The following USP15 variants were observed in gnomAD, a reference collection of about 807,000 sequenced individuals.
USP15 encodes the protein ubiquitin specific peptidase 15.
USP15 carries 18 observed loss-of-function variants against 127.1 expected under a neutral mutation model. The observed-to-expected ratio is 0.14, with a 90% CI of 0.10 to 0.21. USP15 has a LOEUF of 0.21. Ranked by LOEUF, USP15 falls within the 10% of genes least tolerant of loss-of-function variation. The pLI is 1.00. For missense variants in USP15, 805 were observed against 1,159.9 expected (o/e 0.69, Z 4.44); for synonymous variants, 364 against 393.7 (o/e 0.92, Z 0.89).
chr12:62,392,921 G>A, intron 18 of USP15, 132 bp from the exon 19 acceptor site: 1 of 911,668 alleles, frequency 1.1e-6, no homozygotes, highest in Non-Finnish European at 1.6e-6. Flanking sequence ...CTTTCAACCT[G>A]GTACATATTA....
Position 62,389,509 on chromosome 12 carries a change from G to C in USP15, c.1552G>C (p.Asp518His). The C allele has an allele frequency of 1.2e-6, 2 of 1,613,654 alleles. No homozygotes were observed. The highest frequency in any genetic ancestry group is 1.7e-6 in the Non-Finnish European group (2 of 1,179,858). ...ALSALSGIPA[D>H]KMIVTDIYNH... ...GTCTGCTTTGTCAGGAATACCTGCA[G>C]ATAAGGTAAGATGTTTCTGGGGTTG... The change falls in exon 12 of 22, where the codon GAT becomes CAT. Residue 518 changes from aspartate to histidine, a missense_variant. This residue lies in a region of USP15 where 82 missense variants were observed against 104.4 expected (regional missense o/e 0.79). Coordinates refer to ENST00000280377, the MANE Select transcript of USP15 (RefSeq NM_001252078.2).
chr12:62,307,690 A>G (rs1241020941), intron 3 of USP15, among the ~76,000 whole-genome samples: 2 of 152,162 alleles, frequency 1.3e-5, no homozygotes, highest in Admixed American at 6.6e-5. Context: ...TCTGAGTAAC[A>G]TGATGCCATC....
In USP15 at chr12:62,294,280, C is replaced by G. The variant is rs2064064268; in HGVS notation, c.191C>G (p.Pro64Arg). Reference protein sequence around the residue: ...QMGDQNVYPGPIDNSGLLKDG... With the variant: ...QMGDQNVYPGRIDNSGLLKDG... ...GGAGATCAAAATGTGTATCCTGGAC[C>G]CATTGATAACTCTGGACTTCTCAAA... The change falls in exon 2 of 22, where the codon CCC becomes CGC. Residue 64 changes from proline (P) to arginine (R), a missense_variant. Pro to Arg is a moderately radical substitution (Grantham distance 103). Coordinates refer to ENST00000280377, the MANE Select transcript of USP15 (RefSeq NM_001252078.2). 1.2e-6 allele frequency: 2 copies of G among 1,611,710 alleles called. No individual in the cohort carries two copies. Among genetic ancestry groups the G allele is most frequent in the Non-Finnish European group, 8.5e-7 (1 of 1,179,290 alleles).
intron 4 of USP15, among the ~76,000 whole-genome samples, chr12:62,315,517 G>A (rs994397249): frequency 2.6e-5 from 4 of 151,978 alleles, no homozygotes; most frequent in Admixed American, 2.0e-4. Flanking sequence ...AAATGATTAT[G>A]AATTTAATAA....
chr12:62,334,394 AAGC>A (rs1327350473), intron 6 of USP15, among the ~76,000 whole-genome samples: 1 of 152,186 alleles, frequency 6.6e-6, no homozygotes, highest in East Asian at 1.9e-4. Context: ...ATGTAAAAGT[AAGC>A]AGTCAAAATA....
chr12:62,387,153 T>TA (rs1306554374), intron 11 of USP15, among the ~76,000 whole-genome samples: 1 of 152,164 alleles, frequency 6.6e-6, no homozygotes, highest in African/African-American at 2.4e-5. Flanking sequence ...TAGGTAGAGA[T>TA]ATCCAGTAGG....
At chr12:62,299,774 A>G (rs1363081994) in intron 2 of USP15, among the ~76,000 whole-genome samples, 1 of 152,210 alleles carries the variant, frequency 6.6e-6, no homozygotes, top group African/African-American at 2.4e-5. Flanking sequence ...ATCCTTTTAC[A>G]TCATTGCTGG....
intron 4 of USP15, 53 bp from the exon 5 acceptor site, chr12:62,321,408 TGTG>T (rs2064981721): frequency 9.0e-7 from 1 of 1,115,856 alleles, no homozygotes; most frequent in Non-Finnish European, 1.2e-6. Flanking sequence ...TTTAGCTGTA[TGTG>T]GTATATTTTG....
chr12:62,290,413 A>T (rs1188015610), intron 1 of USP15, among the ~76,000 whole-genome samples: 1 of 152,020 alleles, frequency 6.6e-6, no homozygotes, highest in Admixed American at 6.6e-5. Flanking sequence ...GCTTTATCTG[A>T]TCTAAGTATA....
intron 1 of USP15, among the ~76,000 whole-genome samples, chr12:62,280,760 A>G (rs1354673966): frequency 2.0e-5 from 3 of 152,166 alleles, no homozygotes; most frequent in Admixed American, 2.0e-4. Flanking sequence ...GAGGCAGAAA[A>G]TGGTGTGTCA....
chr12:62,334,191 C>T (rs748069499), intron 6 of USP15: 5 of 152,102 alleles, frequency 3.3e-5, no homozygotes, highest in Non-Finnish European at 7.4e-5. Flanking sequence ...GCTGCTGAAG[C>T]GAGCACTAGA....
In USP15 at chr12:62,415,468, T is replaced by G. The variant is rs1241333473; in HGVS notation, c.*11093T>G. On this transcript the variant is annotated 3_prime_UTR_variant, in exon 22 of 22. Transcript: ENST00000280377. ...GCACCCTGTGGCCCAGTCAACACAT[T>G]AAATAAACCATCACATCCCTTCATG... is the stretch of plus-strand genomic sequence containing the variant. 9 of 152,172 alleles carry G rather than the reference T, an allele frequency of 5.9e-5. No individual in the cohort carries two copies. Among genetic ancestry groups the G allele is most frequent in the Non-Finnish European group, 1.0e-4 (7 of 68,038 alleles). 9.4% of individuals were successfully genotyped at this position (152,172 alleles called of 1,614,324 possible).
At chr12:62,317,093 A>C (rs1173241753) in intron 4 of USP15, among the ~76,000 whole-genome samples, 1 of 152,184 alleles carries the variant, frequency 6.6e-6, no homozygotes, top group Non-Finnish European at 1.5e-5. Flanking sequence ...AGAATACAAA[A>C]TATCAACATA....
chr12:62,284,622 C>G (rs2063738876), intron 1 of USP15, among the ~76,000 whole-genome samples: 1 of 152,100 alleles, frequency 6.6e-6, no homozygotes, highest in Non-Finnish European at 1.5e-5. Context: ...TTCTAAAAAG[C>G]TTTGTTACCT....
chr12:62,354,213 A>G (rs964902277), intron 7 of USP15, among the ~76,000 whole-genome samples: 1 of 151,784 alleles, frequency 6.6e-6, no homozygotes, highest in Non-Finnish European at 1.5e-5. Context: ...TTTTATAATA[A>G]TAAAGTGAGA....
At chr12:62,321,057 G>T (rs2064972318) in intron 4 of USP15, among the ~76,000 whole-genome samples, 1 of 151,922 alleles carries the variant, frequency 6.6e-6, no homozygotes, top group Admixed American at 6.6e-5. Flanking sequence ...AATTGCTTAT[G>T]TGGTACTTAA....
In USP15 at chr12:62,405,856, G is replaced by A. The variant is rs959574700; in HGVS notation, c.*1481G>A. The A allele has an allele frequency of 5.9e-5, 9 of 152,120 alleles. No individual in the cohort carries two copies. The highest frequency in any genetic ancestry group is 2.2e-4 in the African/African-American group (9 of 41,374). The allele number at this position is 152,120 out of a possible 1,614,324, so 9.4% of individuals were successfully genotyped here. ...TATTTATTTATGTTAGCATTTAAAA[G>A]TTTAAAAAAAATGCATTTGACCAGG... On this transcript the variant is annotated 3_prime_UTR_variant, in exon 22 of 22. Coordinates refer to ENST00000280377, the MANE Select transcript of USP15 (RefSeq NM_001252078.2).
chr12:62,296,038 A>T (rs2064118486), intron 2 of USP15, among the ~76,000 whole-genome samples: 1 of 152,252 alleles, frequency 6.6e-6, no homozygotes. Flanking sequence ...TGCATGAAAG[A>T]GGGTCAATAT....
rs148574507 is a variant in USP15, at chr12:62,344,566, G to A, written c.684-4655G>A. ...ACCATTCTGGGGTCTGGAGGACAGC[G>A]GCCCTCTTCTCACAGCTCCAGTAGG... On this transcript the variant is annotated intron_variant, in intron 6 of 21. Coordinates refer to ENST00000280377, the MANE Select transcript of USP15 (RefSeq NM_001252078.2). 1.5e-3 allele frequency among the ~76,000 whole-genome samples: 221 copies of A among 152,318 alleles called. 1 individual carries two copies. Among genetic ancestry groups the A allele is most frequent in the Middle Eastern group, 3.4e-3 (1 of 294 alleles).
Sources: gnomAD v4.1 joint callset for allele counts (sites outside exome capture counted in the v4.1 genomes callset) on GRCh38, gnomAD v4.1.1 for gene constraint, gnomAD v4.1.1 regional missense constraint, MANE v1.5 for transcripts, NCBI Gene and HGNC (gene_info 2026-07-23, HGNC 2026-07-21) for gene names.